TBCD: variants seen among roughly 807,000 people sequenced by gnomAD.
TBCD encodes tubulin-specific chaperone D.
A neutral mutation model predicts 169.3 loss-of-function variants in TBCD; 105 were observed. The observed-to-expected ratio is 0.62, with a 90% confidence interval of 0.53 to 0.73. The LOEUF is 0.73. Among genes scored for constraint, TBCD ranks in the 30% least tolerant of loss-of-function variants. The probability of loss-of-function intolerance (pLI) is 0.00; values close to 1 mark genes in which losing one functional copy is unlikely to be tolerated. For missense variants in TBCD, 1,444 were observed against 1,600.1 expected (o/e 0.90, Z 1.66); for synonymous variants, 700 against 643.9 (o/e 1.09, Z -1.32).
At chr17:82,859,268 T>C (rs2056568484) in intron 13 of TBCD, among the ~76,000 whole-genome samples, 1 of 142,690 alleles carries the variant, frequency 7.0e-6, no homozygotes, top group South Asian at 2.3e-4. Context: ...CTCTGTGTCC[T>C]CCCTACACTG....
chr17:82,928,093 G>A, intron 30 of TBCD, 105 bp downstream of exon 30: 1 of 985,290 alleles, frequency 1.0e-6, no homozygotes, highest in Non-Finnish European at 1.6e-6. Flanking sequence ...TGCACTGCTG[G>A]GCACACACCC....
intron 13 of TBCD, among the ~76,000 whole-genome samples, chr17:82,826,682 C>T (rs2052877739): frequency 6.6e-6 from 1 of 152,210 alleles, no homozygotes; most frequent in Non-Finnish European, 1.5e-5. Flanking sequence ...TCCCAAAGTG[C>T]TGGGATTATG....
chr17:82,911,764 G>T lies in TBCD; in HGVS notation c.2013G>T (p.Leu671=), dbSNP rs1042373517. 3 of 1,613,784 alleles carry T rather than the reference G, an allele frequency of 1.9e-6. No individual in the cohort carries two copies. The African/African-American group carries it at 4.0e-5, about 22-fold the overall frequency. The change falls in exon 23 of 39, where the codon CTG becomes CTT. Residue 671 remains leucine (L), a synonymous_variant. Coordinates refer to ENST00000355528, the MANE Select transcript of TBCD (RefSeq NM_005993.5). ...QLYDRQLYRG[L]GGQLMRQAVC... is the part of the protein sequence containing the mutation. ...TGTTTTCATTCCTTTTCAGGGGTCTGGGAGGACAGCTCATGAGACAAGCAG... is the reference window on the plus strand; with the variant it reads ...TGTTTTCATTCCTTTTCAGGGGTCTTGGAGGACAGCTCATGAGACAAGCAG...
chr17:82,771,841 G>A (rs1343088937), intron 5 of TBCD, among the ~76,000 whole-genome samples: 1 of 151,636 alleles, frequency 6.6e-6, no homozygotes, highest in East Asian at 1.9e-4. Context: ...GGAGAATGGC[G>A]TGAACCTGGG....
rs1359737686 is a variant in TBCD, at chr17:82,800,897, G to A, written c.851G>A (p.Arg284Lys). Residue 284 changes from arginine to lysine, a missense_variant, in exon 9 of 39, where the codon AGA (arginine) becomes AAA (lysine). Transcript: ENST00000355528. ...GTCCTCAGGTGCCTCGATGGCTGCA[G>A]ACTCCCTGAGAGCAACCAGACCCTG... ...ATVLRCLDGC[R>K]LPESNQTLLR... is the part of the protein sequence containing the mutation. The A allele has an allele frequency of 1.2e-6, 2 of 1,612,732 alleles. No homozygotes were observed. The highest frequency in any genetic ancestry group is 1.7e-6 in the Non-Finnish European group (2 of 1,179,632).
At chr17:82,757,439 G>A (rs1490453809) in intron 2 of TBCD, among the ~76,000 whole-genome samples, 1 of 151,906 alleles carries the variant, frequency 6.6e-6, no homozygotes. Context: ...TGGCTAACAC[G>A]ATGAAACCCT....
chr17:82,892,623 G>A (rs1369038039), intron 16 of TBCD, among the ~76,000 whole-genome samples: 2 of 152,146 alleles, frequency 1.3e-5, no homozygotes, highest in African/African-American at 2.4e-5. Context: ...GAAGGTGTGA[G>A]GTTTTAATGG....
intron 13 of TBCD, chr17:82,830,007 G>A (rs1444626257): frequency 1.4e-6 from 2 of 1,390,866 alleles, no homozygotes; most frequent in Admixed American, 2.1e-5. Flanking sequence ...TTGTTTGTTT[G>A]TTTGTTTGTT....
chr17:82,761,994 T>C (rs2047785315), intron 2 of TBCD, among the ~76,000 whole-genome samples: 1 of 150,252 alleles, frequency 6.7e-6, no homozygotes, highest in Non-Finnish European at 1.5e-5. Flanking sequence ...TCCAAAGTGC[T>C]GGGGTTGTTT....
In TBCD at chr17:82,831,323, C is replaced by G. The variant is rs200817916; in HGVS notation, c.1318+16389C>G. ...TCTTTAGCCTCAGGAATTGGACTTT[C>G]GAACTCGACGTGTTTTCTGTTGGGG... On this transcript the variant is annotated intron_variant, in intron 13 of 38. Transcript: ENST00000355528. The surrounding 1 kb of genome is among the most constrained non-coding windows in gnomAD (Gnocchi z 4.6). 1.9e-6 allele frequency: 3 copies of G among 1,613,880 alleles called. No individual in the cohort carries two copies. The highest frequency in any genetic ancestry group is 1.3e-5 in the African/African-American group (1 of 74,912).
At chr17:82,921,245 C>A in intron 24 of TBCD, 3 of 536,364 alleles carry the variant, frequency 5.6e-6, no homozygotes, top group African/African-American at 1.9e-5. Context: ...TAAAAGTTTC[C>A]CAAAATGTGA....
intron 13 of TBCD, among the ~76,000 whole-genome samples, chr17:82,866,610 C>T (rs149203232): frequency 1.3e-5 from 2 of 152,346 alleles, no homozygotes; most frequent in Non-Finnish European, 2.9e-5. Context: ...GGAGAAAGGC[C>T]CCAGGACTTT....
chr17:82,881,893 C>T (rs968649348), intron 14 of TBCD, among the ~76,000 whole-genome samples: 2 of 152,090 alleles, frequency 1.3e-5, no homozygotes, highest in Non-Finnish European at 2.9e-5. Context: ...TCCTTTCTCT[C>T]TCTCTCTGTC....
Position 82,822,287 on chromosome 17 carries a change from G to A in TBCD, c.1318+7353G>A, listed in dbSNP as rs139064795. On this transcript the variant is annotated intron_variant, in intron 13 of 38. Transcript: ENST00000355528. Reference sequence around the variant, plus strand: ...AGATTCAGACATTAAACAAGGAAACGAAGGGAGCAATTTCAGAGAATGGAT... The same window carrying A: ...AGATTCAGACATTAAACAAGGAAACAAAGGGAGCAATTTCAGAGAATGGAT... 6.5e-4 allele frequency among the ~76,000 whole-genome samples: 99 copies of A among 152,336 alleles called. 1 individual carries two copies. In the East Asian group the frequency reaches 8.9e-3, roughly 14 times the overall value.
intron 13 of TBCD, among the ~76,000 whole-genome samples, chr17:82,843,497 C>T (rs2054723935): frequency 7.9e-6 from 1 of 127,240 alleles, no homozygotes; most frequent in Non-Finnish European, 1.6e-5. Flanking sequence ...CTTCCCCTCA[C>T]CATCCAGCTT....
chr17:82,798,906 C>T (rs1291693958), intron 8 of TBCD, among the ~76,000 whole-genome samples: 1 of 152,006 alleles, frequency 6.6e-6, no homozygotes, highest in Non-Finnish European at 1.5e-5. Context: ...CCACGCCCGG[C>T]TAATTTTTTT....
rs1324480975 is a variant in TBCD, at chr17:82,806,108, G to A, written c.1087+97G>A. ...CACTTCCTTCTTCCTTGCTGGTGCC[G>A]GCACTGTCTGGCCACCCGTCCCCTT... On this transcript the variant is annotated intron_variant, in intron 10 of 38. Transcript: ENST00000355528. This position sits in a 1 kb window ranked among gnomAD's most constrained non-coding sequence, Gnocchi z 5.1. The A allele has an allele frequency of 4.0e-6, 6 of 1,487,198 alleles. No individual in the cohort carries two copies. The highest frequency in any genetic ancestry group is 1.3e-5 in the South Asian group (1 of 76,934). The allele number at this position is 1,487,198 out of a possible 1,614,324, so 92.1% of individuals were successfully genotyped here.
intron 17 of TBCD, among the ~76,000 whole-genome samples, chr17:82,898,155 G>A (rs1297448033): frequency 6.6e-6 from 1 of 150,672 alleles, no homozygotes; most frequent in East Asian, 2.0e-4. Flanking sequence ...TTGAGCCCCC[G>A]TGGGTTTTGG....
intron 30 of TBCD, 52 bp from the exon 31 acceptor site, chr17:82,929,061 C>G (rs570018075): frequency 1.3e-6 from 2 of 1,580,718 alleles, no homozygotes; most frequent in East Asian, 4.5e-5. Flanking sequence ...GTTTACCGCC[C>G]GCTCTTAATT....
Sources: allele counts gnomAD v4.1 joint callset (sites outside exome capture counted in the v4.1 genomes callset), GRCh38; gene constraint gnomAD v4.1.1; non-coding constraint Gnocchi (gnomAD v3.1); transcripts MANE v1.5; gene names NCBI Gene and HGNC (gene_info 2026-07-23, HGNC 2026-07-21).